TMEM130: variants seen among roughly 807,000 people sequenced by gnomAD.
The protein encoded by TMEM130 is transmembrane protein 130.
A neutral mutation model predicts 42.9 loss-of-function variants in TMEM130; 37 were observed. The observed-to-expected ratio is 0.86, with a 90% CI of 0.66 to 1.13. The LOEUF is 1.13. Among genes scored for constraint, TMEM130 ranks in the 50% most tolerant of loss-of-function variants. The probability of loss-of-function intolerance (pLI) is 0.00; values close to 1 mark genes in which losing one functional copy is unlikely to be tolerated. For synonymous variants in TMEM130, 259 were observed against 237.7 expected (o/e 1.09, Z -0.82); for missense variants, 545 against 562.6 (o/e 0.97, Z 0.32).
At chr7:98,868,445 C>T (rs1458914681) in intron 1 of TMEM130, among the ~76,000 whole-genome samples, 1 of 152,180 alleles carries the variant, frequency 6.6e-6, no homozygotes, top group Non-Finnish European at 1.5e-5. Context: ...CAGCCCTGAA[C>T]ATTCTAGAAA....
intron 2 of TMEM130, among the ~76,000 whole-genome samples, chr7:98,862,734 A>G (rs970453148): frequency 2.1e-4 from 32 of 152,246 alleles, no homozygotes; most frequent in South Asian, 2.1e-4. Flanking sequence ...TCCTGATCTC[A>G]GGCGATCCAC....
At chr7:98,851,366 G>T (rs1331393790) in intron 6 of TMEM130, 55 bp downstream of exon 6, 3 of 1,572,726 alleles carry the variant, frequency 1.9e-6, no homozygotes, top group Non-Finnish European at 2.6e-6. Flanking sequence ...GTGGCAGGAT[G>T]GACAGGCTTG....
In TMEM130 at chr7:98,868,931, A is replaced by T. The variant is rs112962891; in HGVS notation, c.85+846T>A. Among the ~76,000 whole-genome samples, 235 of 151,994 alleles carry T rather than the reference A, an allele frequency of 1.5e-3. 1 individual carries two copies. The highest frequency in any genetic ancestry group is 5.5e-3 in the African/African-American group (226 of 41,436). ...ATCCCTGAGTTGCAGGTTTTCTTTGACCTCATGGTTTTTCTTTCACAAATT... is the reference window on the plus strand; with the variant it reads ...ATCCCTGAGTTGCAGGTTTTCTTTGTCCTCATGGTTTTTCTTTCACAAATT... On this transcript the variant is annotated intron_variant, in intron 1 of 7. Coordinates refer to ENST00000339375, the MANE Select transcript of TMEM130 (RefSeq NM_152913.3).
intron 5 of TMEM130, among the ~76,000 whole-genome samples, chr7:98,851,933 G>A (rs1365915344): frequency 6.6e-6 from 1 of 152,020 alleles, no homozygotes; most frequent in Non-Finnish European, 1.5e-5. Flanking sequence ...GGAATAATAA[G>A]CACATCCCCC....
intron 3 of TMEM130, 133 bp from the exon 4 acceptor site, chr7:98,856,316 G>GCACACCTGTCAT: frequency 1.2e-6 from 1 of 856,658 alleles, no homozygotes; most frequent in Non-Finnish European, 1.8e-6. Flanking sequence ...CTACCAGTGA[G>GCACACCTGTCAT]CACACCTGTC....
chr7:98,867,511 G>A (rs945507608), intron 1 of TMEM130, among the ~76,000 whole-genome samples: 3 of 152,170 alleles, frequency 2.0e-5, no homozygotes, highest in African/African-American at 4.8e-5. Flanking sequence ...GGGCCTGAGC[G>A]AGGCTGGCAG....
At chr7:98,865,759 T>C (rs574765349) in intron 1 of TMEM130, 1 of 152,326 alleles carries the variant, frequency 6.6e-6, no homozygotes, top group South Asian at 2.1e-4. Context: ...ATGAAAACTG[T>C]TGGATAATAT....
intron 1 of TMEM130, chr7:98,867,011 C>G (rs1794926112): frequency 6.6e-6 from 1 of 152,108 alleles, no homozygotes; most frequent in Non-Finnish European, 1.5e-5. Context: ...GCAGGAGGAT[C>G]TCTTGAGCCC....
Position 98,853,677 on chromosome 7 carries a change from C to T in TMEM130, c.803+1563G>A, listed in dbSNP as rs782647543. Among the ~76,000 whole-genome samples, 5 of 152,196 alleles carry T rather than the reference C, an allele frequency of 3.3e-5. No homozygotes were observed. In the South Asian group the frequency reaches 6.2e-4, roughly 19 times the overall value. ...CCTGGGCCCTGACCACTGATGTCTG[C>T]GGCTCTATCCATCCCAGTGGCCCCA... is the stretch of plus-strand genomic sequence containing the variant. On this transcript the variant is annotated intron_variant, in intron 5 of 7. Coordinates refer to ENST00000339375, the MANE Select transcript of TMEM130 (RefSeq NM_152913.3).
chr7:98,864,211 T>C (rs1422538744), intron 1 of TMEM130, among the ~76,000 whole-genome samples: 1 of 151,848 alleles, frequency 6.6e-6, no homozygotes, highest in African/African-American at 2.4e-5. Flanking sequence ...CAGAATTCTT[T>C]TGGTTTTGTT....
intron 3 of TMEM130, 34 bp from the exon 4 acceptor site, chr7:98,856,217 C>G: frequency 6.2e-7 from 1 of 1,602,798 alleles, no homozygotes; most frequent in African/African-American, 1.3e-5. Context: ...AGGAGGAAGA[C>G]AGCAGACGGT....
chr7:98,869,355 A>G lies in TMEM130; in HGVS notation c.85+422T>C, dbSNP rs1212589697. ...CTAGATGAGGCGACATTTTAAGGCAAAAACGTTGCCCATCCCGTGCTCCCT... is the reference window on the plus strand; with the variant it reads ...CTAGATGAGGCGACATTTTAAGGCAGAAACGTTGCCCATCCCGTGCTCCCT... On this transcript the variant is annotated intron_variant, in intron 1 of 7. Transcript: ENST00000339375. This position sits in a 1 kb window ranked among gnomAD's most constrained non-coding sequence, Gnocchi z 4.7. The G allele has an allele frequency of 3.3e-6, 4 of 1,212,204 alleles. No individual in the cohort carries two copies. The highest frequency in any genetic ancestry group is 4.2e-6 in the Non-Finnish European group (4 of 955,330). The allele number at this position is 1,212,204 out of a possible 1,614,324, so 75.1% of individuals were successfully genotyped here.
intron 1 of TMEM130, among the ~76,000 whole-genome samples, chr7:98,864,616 T>A (rs1287941015): frequency 1.3e-5 from 2 of 151,380 alleles, no homozygotes; most frequent in Non-Finnish European, 2.9e-5. Flanking sequence ...ATCCAGCTGT[T>A]GGCCAGGCAT....
intron 3 of TMEM130, among the ~76,000 whole-genome samples, chr7:98,856,649 C>T (rs1794641723): frequency 6.6e-6 from 1 of 152,072 alleles, no homozygotes; most frequent in Non-Finnish European, 1.5e-5. Context: ...AGGCGTGTAC[C>T]ACTGTGCCAG....
chr7:98,859,937 C>T (rs181462319), intron 3 of TMEM130, among the ~76,000 whole-genome samples: 120 of 151,856 alleles, frequency 7.9e-4, no homozygotes, highest in African/African-American at 2.8e-3. Flanking sequence ...GGTGTGGTGG[C>T]GCAAGCCTGC....
chr7:98,860,068 C>CAAAAAA, intron 3 of TMEM130, 111 bp downstream of exon 3: 1 of 828,374 alleles, frequency 1.2e-6, no homozygotes, highest in Non-Finnish European at 1.6e-6. Context: ...GACTGCATCT[C>CAAAAAA]AAAAAAAAAA....
chr7:98,857,420 C>A (rs1794657348), intron 3 of TMEM130, among the ~76,000 whole-genome samples: 1 of 152,212 alleles, frequency 6.6e-6, no homozygotes. Context: ...CCACGTTTTG[C>A]CAGGCACGAT....
chr7:98,851,946 T>C (rs1794516829), intron 5 of TMEM130, among the ~76,000 whole-genome samples: 1 of 151,934 alleles, frequency 6.6e-6, no homozygotes, highest in Non-Finnish European at 1.5e-5. Flanking sequence ...CATCCCCCTT[T>C]TTGTGTTTTG....
chr7:98,869,279 C>G lies in TMEM130; in HGVS notation c.85+498G>C. The stretch of plus-strand genomic sequence containing the variant: ...GGAAATGGCAGCCTGGCCTCCTGGG[C>G]TCTAAATTCGCATCTCCCCAAAGCC... On this transcript the variant is annotated intron_variant, in intron 1 of 7. Coordinates refer to ENST00000339375, the MANE Select transcript of TMEM130 (RefSeq NM_152913.3). This position sits in a 1 kb window ranked among gnomAD's most constrained non-coding sequence, Gnocchi z 4.7. 1.6e-6 allele frequency: 2 copies of G among 1,288,046 alleles called. No homozygotes were observed. Among genetic ancestry groups the G allele is most frequent in the African/African-American group, 1.5e-5 (1 of 65,870 alleles). The allele number at this position is 1,288,046 out of a possible 1,614,324, so 79.8% of individuals were successfully genotyped here.
Sources: gnomAD v4.1 joint callset for allele counts (sites outside exome capture counted in the v4.1 genomes callset) on GRCh38, gnomAD v4.1.1 for gene constraint, Gnocchi (gnomAD v3.1) non-coding constraint, MANE v1.5 for transcripts, NCBI Gene and HGNC (gene_info 2026-07-23, HGNC 2026-07-21) for gene names.